The following ERVK3-1 variants were observed in gnomAD, a reference collection of about 807,000 sequenced individuals.
ERVK3-1 encodes HERV-K(HML6-1).
downstream of ERVK3-1, among the ~76,000 whole-genome samples, chr19:58,316,759 CAA>C (rs964900005): frequency 4.6e-5 from 7 of 152,190 alleles, no homozygotes; most frequent in African/African-American, 1.4e-4. Flanking sequence ...ACCTATCTAA[CAA>C]GAGAAAAACA....
chr19:58,311,383 A>G (rs2051555781), intron 2 of ERVK3-1: 1 of 152,232 alleles, frequency 6.6e-6, no homozygotes, highest in Non-Finnish European at 1.5e-5. Context: ...ATCTCTAGGT[A>G]ATGATAGAGC....
chr19:58,312,368 C>T lies in ERVK3-1; in HGVS notation c.200C>T (p.Thr67Met), dbSNP rs1259026991. 5.0e-6 allele frequency: 2 copies of T among 400,062 alleles called. No homozygotes were observed. Among genetic ancestry groups the T allele is most frequent in the African/African-American group, 2.1e-5 (1 of 48,628 alleles). 24.8% of individuals were successfully genotyped at this position (400,062 alleles called of 1,614,324 possible). A position where few individuals can be genotyped will look rare whatever the true frequency, so the allele number is the denominator to read the frequency against. Residue 67 changes from threonine (T) to methionine (M), a missense_variant, in exon 3 of 4, where the codon ACG (threonine) becomes ATG (methionine). By Grantham distance (81) the Thr-to-Met change is moderately conservative. Transcript: ENST00000413518. This position sits in a 1 kb window ranked among gnomAD's most constrained non-coding sequence, Gnocchi z 4.7. ...ATAACATGGGGACAGATCAAGAAAA[C>T]GACACAAGAAGCTGAGAAACTACTG...
chr19:58,308,103 C>T (rs994808022), intron 2 of ERVK3-1, among the ~76,000 whole-genome samples: 1 of 152,118 alleles, frequency 6.6e-6, no homozygotes, highest in Non-Finnish European at 1.5e-5. Context: ...GGTTTTTAAA[C>T]CTGGGAAATA....
rs1600472463 is a variant in ERVK3-1, at chr19:58,312,494, A to G, written c.294+32A>G. ...TTCCCCTGTGTAGAGGCAAAAACAT[A>G]TTGGGCATATGTTCCTAACCCACTG... is the stretch of plus-strand genomic sequence containing the variant. On this transcript the variant is annotated intron_variant, in intron 3 of 3. Transcript: ENST00000413518. The surrounding 1 kb of genome is among the most constrained non-coding windows in gnomAD (Gnocchi z 4.7). 2.5e-6 allele frequency: 1 copy of G among 399,886 alleles called. No homozygotes were observed. Among genetic ancestry groups the G allele is most frequent in the Non-Finnish European group, 4.4e-6 (1 of 226,072 alleles). The allele number at this position is 399,886 out of a possible 1,614,324, so 24.8% of individuals were successfully genotyped here. A position where few individuals can be genotyped will look rare whatever the true frequency, so the allele number is the denominator to read the frequency against.
At chr19:58,316,298 C>G (rs964356751), downstream of ERVK3-1, among the ~76,000 whole-genome samples, 1 of 152,146 alleles carries the variant, frequency 6.6e-6, no homozygotes, top group South Asian at 2.1e-4. Context: ...GGTCTTTTAC[C>G]CCTGACTGAT....
downstream of ERVK3-1, among the ~76,000 whole-genome samples, chr19:58,316,190 C>T (rs1446234950): frequency 6.6e-6 from 1 of 152,036 alleles, no homozygotes; most frequent in African/African-American, 2.4e-5. Flanking sequence ...ATTCCACTGC[C>T]CTGCCTTCCT....
At chr19:58,307,156 CT>C (rs988151819) in intron 2 of ERVK3-1, among the ~76,000 whole-genome samples, 18 of 152,248 alleles carry the variant, frequency 1.2e-4, no homozygotes, top group African/African-American at 4.1e-4. Context: ...CGCCTGGCCG[CT>C]AAGCGTGCCT....
At chr19:58,309,664 A>G (rs1286838177) in intron 2 of ERVK3-1, 1 of 151,958 alleles carries the variant, frequency 6.6e-6, no homozygotes, top group Non-Finnish European at 1.5e-5. Flanking sequence ...TATTCTTCCT[A>G]CCCCCCATTC....
In ERVK3-1 at chr19:58,313,727, T is replaced by C. The variant is rs145756880; in HGVS notation, c.295-1021T>C. 2.0e-4 allele frequency among the ~76,000 whole-genome samples: 30 copies of C among 152,360 alleles called. No homozygotes were observed. In the East Asian group the frequency reaches 4.8e-3, roughly 24 times the overall value. ...TAGCACAATACAAACACACAACATA[T>C]CCACTCTAATAATTCTGGGTCGTAT... On this transcript the variant is annotated intron_variant, in intron 3 of 3. Transcript: ENST00000413518. This position sits in a 1 kb window ranked among gnomAD's most constrained non-coding sequence, Gnocchi z 4.5.
chr19:58,307,607 G>GCC (rs1394614577), intron 2 of ERVK3-1, among the ~76,000 whole-genome samples: 30 of 138,102 alleles, frequency 2.2e-4, no homozygotes, highest in African/African-American at 6.9e-4. Flanking sequence ...ATGCAATACC[G>GCC]CCCCCCCCTC....
intron 2 of ERVK3-1, among the ~76,000 whole-genome samples, chr19:58,307,095 T>C (rs778024082): frequency 6.6e-6 from 1 of 152,260 alleles, no homozygotes; most frequent in Non-Finnish European, 1.5e-5. Context: ...GTGACTCTTA[T>C]TCAGATCTGG....
At chr19:58,316,565 G>C (rs1324992045), downstream of ERVK3-1, among the ~76,000 whole-genome samples, 2 of 152,192 alleles carry the variant, frequency 1.3e-5, no homozygotes, top group Admixed American at 6.5e-5. Flanking sequence ...CAGCTACTCG[G>C]GAGGCTGAGG....
chr19:58,314,840 T>A, exon 4 of ERVK3-1: 1 of 399,636 alleles, frequency 2.5e-6, no homozygotes, highest in East Asian at 3.6e-5. Context: ...AAAGGGGAGA[T>A]GTTGGAGGCC....
downstream of ERVK3-1, among the ~76,000 whole-genome samples, chr19:58,316,377 T>C (rs2051592949): frequency 1.3e-5 from 2 of 152,166 alleles, no homozygotes; most frequent in Admixed American, 6.6e-5. Context: ...CAAACTCTTC[T>C]GTAAAACACA....
chr19:58,308,132 T>G (rs1311739499), intron 2 of ERVK3-1, among the ~76,000 whole-genome samples: 2 of 152,192 alleles, frequency 1.3e-5, no homozygotes, highest in Admixed American at 1.3e-4. Flanking sequence ...AGCTATTGCT[T>G]ATTATTATTC....
At chr19:58,315,024 G>C (rs2147972717) in exon 4 of ERVK3-1, 1 of 369,244 alleles carries the variant, frequency 2.7e-6, no homozygotes, top group Non-Finnish European at 4.8e-6. Flanking sequence ...TTATCCACAG[G>C]AACATCCAGA....
At chr19:58,307,534 G>A (rs1249485835) in intron 2 of ERVK3-1, among the ~76,000 whole-genome samples, 1 of 151,866 alleles carries the variant, frequency 6.6e-6, no homozygotes, top group African/African-American at 2.4e-5. Context: ...TGTTATAATT[G>A]TGGAAAAATT....
intron 3 of ERVK3-1, among the ~76,000 whole-genome samples, chr19:58,314,262 A>G (rs1213414398): frequency 6.6e-6 from 1 of 152,168 alleles, no homozygotes; most frequent in Non-Finnish European, 1.5e-5. Flanking sequence ...AAAATTCTTA[A>G]CTTGAATAAG....
intron 2 of ERVK3-1, chr19:58,311,409 T>G (rs184788227): frequency 3.5e-4 from 53 of 152,316 alleles, no homozygotes; most frequent in African/African-American, 1.2e-3. Context: ...AATTCATCAG[T>G]TCTATATTTC....
Sources: gnomAD v4.1 joint callset for allele counts (sites outside exome capture counted in the v4.1 genomes callset) on GRCh38, gnomAD v4.1.1 for gene constraint, Gnocchi (gnomAD v3.1) non-coding constraint, MANE v1.5 for transcripts, NCBI Gene and HGNC (gene_info 2026-07-23, HGNC 2026-07-21) for gene names.